Variants in MAML2 observed in about 807,000 individuals in gnomAD.
The protein encoded by MAML2 is mastermind like transcriptional coactivator 2.
A neutral mutation model predicts 96.1 loss-of-function variants in MAML2; 22 were observed. The ratio of observed to expected loss-of-function variants is 0.23; its 90% CI spans 0.16 to 0.33. The LOEUF (loss-of-function observed/expected upper bound fraction) is 0.33. Ranked by LOEUF, MAML2 falls within the 10% of genes least tolerant of loss-of-function variation. The pLI is 1.00. For synonymous variants in MAML2, 561 were observed against 521.3 expected (o/e 1.08, Z -1.04); for missense variants, 1,367 against 1,392.4 (o/e 0.98, Z 0.29).
chr11:96,295,681 A>AACACACAC (rs71745057), intron 1 of MAML2, among the ~76,000 whole-genome samples: 2,121 of 147,208 alleles, frequency 0.014, 22 homozygotes, highest in Non-Finnish European at 0.019. Context: ...CTGCTGCTGT[A>AACACACAC]ACACACACAC....
rs182772943 is a variant in MAML2 at position 96,070,252 on chromosome 11, T to C, written c.2139+21640A>G. On this transcript the variant is annotated intron_variant, in intron 2 of 4. Coordinates refer to ENST00000524717, the MANE Select transcript of MAML2 (RefSeq NM_032427.4). ...TTGCAGTGAGCTGAGATGGCGCCAC[T>C]GCACTCCAGCCTGGGCGACACAGCG... Among the ~76,000 whole-genome samples the C allele has an allele frequency of 7.2e-3, 1,101 of 152,116 alleles. 16 individuals carry two copies. Among genetic ancestry groups the C allele is most frequent in the African/African-American group, 0.025 (1,043 of 41,490 alleles).
intron 1 of MAML2, among the ~76,000 whole-genome samples, chr11:96,160,370 A>G (rs1861084142): frequency 6.6e-6 from 1 of 152,080 alleles, no homozygotes; most frequent in Non-Finnish European, 1.5e-5. Flanking sequence ...CCCAACTGTG[A>G]TACTTACAAA....
At chr11:96,150,330 C>A (rs1275634035) in intron 1 of MAML2, among the ~76,000 whole-genome samples, 3 of 152,150 alleles carry the variant, frequency 2.0e-5, no homozygotes, top group South Asian at 2.1e-4. Context: ...GATATGAGAC[C>A]TTGCAAGATA....
Position 95,976,823 on chromosome 11 carries a change from C to A in MAML2, c.*2125G>T, listed in dbSNP as rs1171942957. On this transcript the variant is annotated 3_prime_UTR_variant, in exon 5 of 5. Coordinates refer to ENST00000524717, the MANE Select transcript of MAML2 (RefSeq NM_032427.4). ...TATACAGTAACATGGAGGAGCCATACAACAAAAGCGTTTATATGTACATCA... is the reference window on the plus strand; with the variant it reads ...TATACAGTAACATGGAGGAGCCATAAAACAAAAGCGTTTATATGTACATCA... The A allele has an allele frequency of 1.1e-5, 2 of 186,516 alleles. No homozygotes were observed. The highest frequency in any genetic ancestry group is 2.3e-5 in the Non-Finnish European group (2 of 88,300). The allele number at this position is 186,516 out of a possible 1,614,324, so 11.6% of individuals were successfully genotyped here. A position where few individuals can be genotyped will look rare whatever the true frequency, so the allele number is the denominator to read the frequency against.
chr11:96,071,163 G>A (rs1859339637), intron 2 of MAML2, among the ~76,000 whole-genome samples: 1 of 152,238 alleles, frequency 6.6e-6, no homozygotes, highest in Admixed American at 6.5e-5. Flanking sequence ...GAGTCAAAAG[G>A]AAACCAAGTT....
intron 1 of MAML2, among the ~76,000 whole-genome samples, chr11:96,210,798 GCATAC>G (rs1157044385): frequency 2.0e-5 from 3 of 152,088 alleles, no homozygotes; most frequent in African/African-American, 4.8e-5. Context: ...ACAATTAACT[GCATAC>G]CATGATACTT....
At chr11:96,012,042 T>G (rs1420042377) in intron 2 of MAML2, among the ~76,000 whole-genome samples, 3 of 152,202 alleles carry the variant, frequency 2.0e-5, no homozygotes, top group African/African-American at 7.2e-5. Flanking sequence ...GAATCAAACT[T>G]TTAAAACATT....
At chr11:96,050,341 G>A (rs1858971167) in intron 2 of MAML2, among the ~76,000 whole-genome samples, 1 of 152,172 alleles carries the variant, frequency 6.6e-6, no homozygotes, top group Admixed American at 6.5e-5. Context: ...GTTGAAGGGA[G>A]GACACCGACT....
intron 3 of MAML2, 129 bp from the exon 4 acceptor site, chr11:95,985,771 C>A: frequency 1.7e-6 from 1 of 585,208 alleles, no homozygotes; most frequent in Admixed American, 3.3e-5. Context: ...CAAATCATGA[C>A]CTTATTTTGT....
intron 1 of MAML2, among the ~76,000 whole-genome samples, chr11:96,098,187 T>C (rs769887129): frequency 2.6e-5 from 4 of 152,040 alleles, no homozygotes; most frequent in Non-Finnish European, 5.9e-5. Context: ...AGGTTGATGG[T>C]GAAAGTTCAG....
chr11:96,257,468 T>C (rs1591100064), intron 1 of MAML2, among the ~76,000 whole-genome samples: 1 of 152,260 alleles, frequency 6.6e-6, no homozygotes, highest in East Asian at 1.9e-4. Context: ...ATAGGCATGT[T>C]AGGCATTTAG....
In MAML2 at chr11:95,978,299, A is replaced by G. The variant is rs1377645199; in HGVS notation, c.*649T>C. 1.5e-5 allele frequency: 3 copies of G among 201,030 alleles called. No homozygotes were observed. The highest frequency in any genetic ancestry group is 3.1e-5 in the Non-Finnish European group (3 of 97,612). The allele number at this position is 201,030 out of a possible 1,614,324, so 12.5% of individuals were successfully genotyped here. A position where few individuals can be genotyped will look rare whatever the true frequency, so the allele number is the denominator to read the frequency against. On this transcript the variant is annotated 3_prime_UTR_variant, in exon 5 of 5. Coordinates refer to ENST00000524717, the MANE Select transcript of MAML2 (RefSeq NM_032427.4). ...CACAGCTCTATATTTTTGTTTAATC[A>G]CTAGACACAGCATCCCACTGAAGTA...
In MAML2 at chr11:95,979,084, C is replaced by T; in HGVS notation, c.3335G>A (p.Ser1112Asn). 1 of 1,613,970 alleles carries T rather than the reference C, an allele frequency of 6.2e-7. No homozygotes were observed. The highest frequency in any genetic ancestry group is 8.5e-7 in the Non-Finnish European group (1 of 1,179,894). Residue 1112 changes from serine to asparagine, a missense_variant, in exon 5 of 5, where the codon AGC (serine) becomes AAC (asparagine). Coordinates refer to ENST00000524717, the MANE Select transcript of MAML2 (RefSeq NM_032427.4). ...HSSDLAFDFL[S>N]QQNDNMGPAL... ...AGGGCCCATGTTATCATTTTGTTGGCTGAGGAAGTCAAAAGCTAAGTCACT... is the reference window on the plus strand; with the variant it reads ...AGGGCCCATGTTATCATTTTGTTGGTTGAGGAAGTCAAAAGCTAAGTCACT...
chr11:96,180,990 G>T (rs1276998371), intron 1 of MAML2, among the ~76,000 whole-genome samples: 2 of 150,654 alleles, frequency 1.3e-5, no homozygotes, highest in African/African-American at 4.9e-5. Flanking sequence ...GCTCAGTGGG[G>T]GTGCTTTCTG....
In MAML2 at chr11:96,333,889, T is replaced by C. The variant is rs191035142; in HGVS notation, c.513+7494A>G. On this transcript the variant is annotated intron_variant, in intron 1 of 4. Coordinates refer to ENST00000524717, the MANE Select transcript of MAML2 (RefSeq NM_032427.4). ...GGTTCCAATGATTCAAAACTCCCAA[T>C]AGATGGTTTAAATTTCTCATTTACC... Among the ~76,000 whole-genome samples, 340 of 152,324 alleles carry C rather than the reference T, an allele frequency of 2.2e-3. 6 individuals are homozygous for C. The highest frequency in any genetic ancestry group is 0.021 in the South Asian group (103 of 4,826).
chr11:96,030,669 G>A (rs1171609069), intron 2 of MAML2, among the ~76,000 whole-genome samples: 1 of 152,142 alleles, frequency 6.6e-6, no homozygotes, highest in African/African-American at 2.4e-5. Flanking sequence ...GATCATTCAG[G>A]TTTTACTGAG....
chr11:96,116,349 G>A (rs987678013), intron 1 of MAML2, among the ~76,000 whole-genome samples: 8 of 152,130 alleles, frequency 5.3e-5, no homozygotes, highest in East Asian at 1.9e-4. Context: ...GACAAGAGAC[G>A]ACAAAGACAA....
intron 1 of MAML2, among the ~76,000 whole-genome samples, chr11:96,152,228 T>A (rs192680226): frequency 6.6e-6 from 1 of 152,280 alleles, no homozygotes; most frequent in South Asian, 2.1e-4. Context: ...TCTAAAAGAA[T>A]AGGTGAAAAA....
chr11:96,272,172 C>T (rs1052610359), intron 1 of MAML2, among the ~76,000 whole-genome samples: 5 of 151,092 alleles, frequency 3.3e-5, no homozygotes, highest in Non-Finnish European at 7.4e-5. Context: ...ACATCCTATG[C>T]ATTGTACTTG....
Sources: allele counts gnomAD v4.1 joint callset (sites outside exome capture counted in the v4.1 genomes callset), GRCh38; gene constraint gnomAD v4.1.1; transcripts MANE v1.5; gene names NCBI Gene and HGNC (gene_info 2026-07-23, HGNC 2026-07-21).